The following MKLN1 variants were observed in gnomAD, a reference collection of about 807,000 sequenced individuals.
The protein encoded by MKLN1 is muskelin 1.
MKLN1 carries 18 observed loss-of-function variants against 99.0 expected under a neutral mutation model. The ratio of observed to expected loss-of-function variants is 0.18; its 90% CI spans 0.13 to 0.27. The LOEUF (loss-of-function observed/expected upper bound fraction) is 0.27. Ranked by LOEUF, MKLN1 falls within the 10% of genes least tolerant of loss-of-function variation. MKLN1 has a pLI of 1.00. For synonymous variants in MKLN1, 288 were observed against 293.2 expected (o/e 0.98, Z 0.18); for missense variants, 621 against 875.9 (o/e 0.71, Z 3.67).
chr7:131,361,991 T>G (rs1304808853), intron 1 of MKLN1, among the ~76,000 whole-genome samples: 2 of 152,098 alleles, frequency 1.3e-5, no homozygotes, highest in Admixed American at 1.3e-4. Context: ...AGTAGTTTTC[T>G]CAGAAAGAAT....
intron 3 of MKLN1, among the ~76,000 whole-genome samples, chr7:131,237,268 C>T (rs947794760): frequency 6.6e-6 from 1 of 152,172 alleles, no homozygotes; most frequent in Non-Finnish European, 1.5e-5. Context: ...GGCGGATTTA[C>T]ATTCCCATAC....
intron 2 of MKLN1, among the ~76,000 whole-genome samples, chr7:131,162,454 A>G (rs190878526): frequency 6.6e-6 from 1 of 152,326 alleles, no homozygotes; most frequent in East Asian, 1.9e-4. Flanking sequence ...GATGTTGCCA[A>G]ACAAGCACAG....
chr7:131,456,577 C>T (rs1796345336), intron 12 of MKLN1, among the ~76,000 whole-genome samples: 1 of 152,174 alleles, frequency 6.6e-6, no homozygotes, highest in South Asian at 2.1e-4. Flanking sequence ...TGCTGGAGTT[C>T]AGAGTTGATG....
At chr7:131,387,011 G>T in intron 2 of MKLN1, 109 bp from the exon 3 acceptor site, 1 of 991,700 alleles carries the variant, frequency 1.0e-6, no homozygotes, top group East Asian at 2.6e-5. Flanking sequence ...AGTACAGGAT[G>T]GACAAGGATG....
chr7:131,360,993 TAG>T (rs1800012920), intron 1 of MKLN1, among the ~76,000 whole-genome samples: 1 of 152,142 alleles, frequency 6.6e-6, no homozygotes, highest in Non-Finnish European at 1.5e-5. Flanking sequence ...CTTGCTTGCA[TAG>T]TTTCTGATGA....
chr7:131,132,947 A>G (rs199969957), intron 1 of MKLN1, among the ~76,000 whole-genome samples: 61 of 56,600 alleles, frequency 1.1e-3, no homozygotes, highest in South Asian at 2.9e-3. Context: ...AAAAAAAAAA[A>G]AAAGAAAGAA....
At chr7:131,472,897 G>A (rs376606232) in intron 16 of MKLN1, among the ~76,000 whole-genome samples, 3 of 144,232 alleles carry the variant, frequency 2.1e-5, no homozygotes, top group South Asian at 2.2e-4. Flanking sequence ...GCAGTGAGCT[G>A]AGATCGTGCC....
Position 131,495,388 on chromosome 7 carries a change from A to C in MKLN1, c.*7660A>C, listed in dbSNP as rs1354378845. 6.6e-6 allele frequency: 1 copy of C among 152,204 alleles called. No individual in the cohort carries two copies. The highest frequency in any genetic ancestry group is 2.4e-5 in the African/African-American group (1 of 41,456). 9.4% of individuals were successfully genotyped at this position (152,204 alleles called of 1,614,324 possible). On this transcript the variant is annotated 3_prime_UTR_variant, in exon 18 of 18. Transcript: ENST00000352689. ...TGTGGTGCTGTAACCAGCTGAGCCG[A>C]AAGTTGGAGAATGTTAAATATCTTA...
Position 131,445,357 on chromosome 7 carries a change from TTTA to T in MKLN1, c.1396-413_1396-411del, listed in dbSNP as rs370207385. ...TTCCTGCCACTATAGGTAACTGTCTTTTATTAGGTTTTGGTTTATCCTTCCTTT... is the reference window on the plus strand; with the variant it reads ...TTCCTGCCACTATAGGTAACTGTCTTTTAGGTTTTGGTTTATCCTTCCTTT... On this transcript the variant is annotated intron_variant, in intron 11 of 17. Coordinates refer to ENST00000352689, the MANE Select transcript of MKLN1 (RefSeq NM_013255.5). Among the ~76,000 whole-genome samples the T allele has an allele frequency of 9.3e-4, 141 of 152,266 alleles. 1 individual carries two copies. Among genetic ancestry groups the T allele is most frequent in the Admixed American group, 2.3e-3 (35 of 15,296 alleles).
intron 5 of MKLN1, 101 bp downstream of exon 5, chr7:131,397,477 A>G (rs1794394406): frequency 3.1e-6 from 2 of 651,552 alleles, no homozygotes; most frequent in Non-Finnish European, 5.1e-6. Flanking sequence ...CAAAATAATA[A>G]TAACAACAGT....
At chr7:131,356,012 A>G (rs905179131) in intron 1 of MKLN1, among the ~76,000 whole-genome samples, 4 of 151,114 alleles carry the variant, frequency 2.6e-5, no homozygotes, top group African/African-American at 9.7e-5. Flanking sequence ...TTACTAAAAT[A>G]TCGAGCATGT....
chr7:131,434,866 A>AT (rs1434704223), intron 9 of MKLN1, among the ~76,000 whole-genome samples: 1 of 152,052 alleles, frequency 6.6e-6, no homozygotes, highest in Non-Finnish European at 1.5e-5. Flanking sequence ...CCTTTATTTT[A>AT]TTTTTTAATG....
At chr7:131,425,912 T>C (rs1795344851) in intron 8 of MKLN1, among the ~76,000 whole-genome samples, 1 of 152,212 alleles carries the variant, frequency 6.6e-6, no homozygotes, top group South Asian at 2.1e-4. Flanking sequence ...TTTTCTGGTG[T>C]CTGTTTCTGG....
chr7:131,238,794 A>C (rs1797360706), intron 3 of MKLN1, among the ~76,000 whole-genome samples: 1 of 152,220 alleles, frequency 6.6e-6, no homozygotes, highest in Non-Finnish European at 1.5e-5. Flanking sequence ...TCCCACCTTC[A>C]CGTCTTCAAC....
In MKLN1 at chr7:131,402,467, T is replaced by C. The variant is rs183623724; in HGVS notation, c.703+3034T>C. Among the ~76,000 whole-genome samples the C allele has an allele frequency of 7.9e-5, 12 of 152,338 alleles. 1 individual carries two copies. The East Asian group carries it at 2.3e-3, about 29-fold the overall frequency. On this transcript the variant is annotated intron_variant, in intron 6 of 17. Transcript: ENST00000352689. ...TTCCAAACTCTTGTTTATGTTGATA[T>C]TTTGATCTCTTCCCATGAATCATGA...
intron 3 of MKLN1, among the ~76,000 whole-genome samples, chr7:131,218,468 G>A (rs1166066038): frequency 2.6e-5 from 4 of 152,136 alleles, no homozygotes; most frequent in Admixed American, 1.3e-4. Flanking sequence ...AAGTATCATC[G>A]TCTTTGTTTT....
intron 1 of MKLN1, among the ~76,000 whole-genome samples, chr7:131,360,276 A>G (rs1199016683): frequency 6.6e-6 from 1 of 152,138 alleles, no homozygotes; most frequent in African/African-American, 2.4e-5. Flanking sequence ...TCTTTAGACC[A>G]TTCACATACA....
chr7:131,304,741 T>C (rs1180355026), intron 3 of MKLN1, among the ~76,000 whole-genome samples: 1 of 152,200 alleles, frequency 6.6e-6, no homozygotes, highest in East Asian at 1.9e-4. Flanking sequence ...TTTTAACCAA[T>C]CACATAGAGA....
At chr7:131,384,025 T>C (rs929468271) in intron 2 of MKLN1, among the ~76,000 whole-genome samples, 1 of 152,224 alleles carries the variant, frequency 6.6e-6, no homozygotes, top group African/African-American at 2.4e-5. Flanking sequence ...TCAAACTTCA[T>C]GTAATTGCAC....
Sources: allele counts gnomAD v4.1 joint callset (sites outside exome capture counted in the v4.1 genomes callset), GRCh38; gene constraint gnomAD v4.1.1; transcripts MANE v1.5; gene names NCBI Gene and HGNC (gene_info 2026-07-23, HGNC 2026-07-21).